KHDRBS2: variants seen among roughly 807,000 people sequenced by gnomAD.
The protein encoded by KHDRBS2 is KH domain-containing, RNA-binding, signal transduction-associated protein 2.
A neutral mutation model predicts 44.3 loss-of-function variants in KHDRBS2; 26 were observed. That is an observed-to-expected ratio of 0.59 (90% CI 0.43 to 0.81). The LOEUF (loss-of-function observed/expected upper bound fraction) is 0.81, where lower values mean the gene tolerates loss of function less well. Among genes scored for constraint, KHDRBS2 ranks in the 40% least tolerant of loss-of-function variants. The pLI, the probability that KHDRBS2 is intolerant of heterozygous loss-of-function variation, is 0.00. For synonymous variants in KHDRBS2, 194 were observed against 151.1 expected, an observed-to-expected ratio of 1.28 and a Z score of -2.08; for missense variants, 476 against 433.1, an observed-to-expected ratio of 1.10 and a Z score of -0.88.
chr6:61,953,779 A>G (rs1285392329), intron 4 of KHDRBS2, among the ~76,000 whole-genome samples: 1 of 152,170 alleles, frequency 6.6e-6, no homozygotes, highest in Admixed American at 6.6e-5. Context: ...CCTACTTAGA[A>G]GATACAAGTG....
intron 5 of KHDRBS2, 78 bp from the exon 6 acceptor site, chr6:61,894,911 C>A: frequency 1.1e-6 from 1 of 876,756 alleles, no homozygotes; most frequent in Non-Finnish European, 1.8e-6. Context: ...GTTTTCATCT[C>A]ACAGCCTCCA....
At chr6:61,952,825 G>A (rs1376877653) in intron 4 of KHDRBS2, among the ~76,000 whole-genome samples, 1 of 151,930 alleles carries the variant, frequency 6.6e-6, no homozygotes, top group African/African-American at 2.4e-5. Context: ...GGGTAAAACA[G>A]TTTAGTATTC....
chr6:61,694,531 T>A (rs1242441371), intron 8 of KHDRBS2, among the ~76,000 whole-genome samples: 1 of 152,182 alleles, frequency 6.6e-6, no homozygotes, highest in African/African-American at 2.4e-5. Context: ...GTACAAGGCT[T>A]GCGGCCTCAT....
chr6:61,782,724 T>TACACACACACAC (rs1783167962), intron 6 of KHDRBS2, among the ~76,000 whole-genome samples: 1 of 101,234 alleles, frequency 9.9e-6, no homozygotes, highest in Non-Finnish European at 1.9e-5. Flanking sequence ...TATATATATA[T>TACACACACACAC]ATATATATAT....
chr6:61,778,948 G>A (rs891917778), intron 6 of KHDRBS2, among the ~76,000 whole-genome samples: 1 of 151,976 alleles, frequency 6.6e-6, no homozygotes, highest in African/African-American at 2.4e-5. Flanking sequence ...TGCCTAACTG[G>A]GAAATGGGCA....
At chr6:61,584,304 A>C in the KHDRBS2 span, among the ~76,000 whole-genome samples, 1 of 151,868 alleles carries the variant, frequency 6.6e-6, no homozygotes, top group Non-Finnish European at 1.5e-5. Context: ...TCTTAAAAAG[A>C]AAGCGTTTAA....
chr6:62,276,140 G>C (rs1421908754), intron 1 of KHDRBS2, among the ~76,000 whole-genome samples: 3 of 152,152 alleles, frequency 2.0e-5, no homozygotes, highest in Non-Finnish European at 4.4e-5. Flanking sequence ...CTGGTTTTCT[G>C]TAAGAAGAGT....
intron 6 of KHDRBS2, among the ~76,000 whole-genome samples, chr6:61,866,888 G>T (rs1369178701): frequency 1.3e-5 from 2 of 152,148 alleles, no homozygotes; most frequent in African/African-American, 2.4e-5. Context: ...TTCCATCTGA[G>T]ATAATCTCAG....
intron 1 of KHDRBS2, among the ~76,000 whole-genome samples, chr6:62,194,021 A>G (rs1563038544): frequency 6.6e-6 from 1 of 152,128 alleles, no homozygotes; most frequent in African/African-American, 2.4e-5. Context: ...CCTATTCTGC[A>G]TGTTTTCTTT....
At chr6:61,852,110 T>C (rs1028139956) in intron 6 of KHDRBS2, among the ~76,000 whole-genome samples, 7 of 151,672 alleles carry the variant, frequency 4.6e-5, no homozygotes, top group African/African-American at 1.7e-4. Flanking sequence ...TAATCCCAGC[T>C]ACTCGGGAGG....
the KHDRBS2 span, among the ~76,000 whole-genome samples, chr6:61,663,396 A>G: frequency 6.8e-6 from 1 of 147,858 alleles, no homozygotes; most frequent in African/African-American, 2.5e-5. Context: ...AACTTAAAGT[A>G]TAATAATAAT....
At chr6:61,716,993 A>G (rs1771542946) in intron 7 of KHDRBS2, among the ~76,000 whole-genome samples, 1 of 152,086 alleles carries the variant, frequency 6.6e-6, no homozygotes, top group African/African-American at 2.4e-5. Context: ...TGGCATGTTG[A>G]CATGCCTTGA....
intron 3 of KHDRBS2, among the ~76,000 whole-genome samples, chr6:61,997,067 C>T (rs1215918345): frequency 1.3e-5 from 2 of 152,136 alleles, no homozygotes; most frequent in Non-Finnish European, 2.9e-5. Flanking sequence ...AGGCATGAGC[C>T]GCCATGCCCA....
At chr6:62,132,070 T>C (rs1343948913) in intron 2 of KHDRBS2, among the ~76,000 whole-genome samples, 1 of 152,192 alleles carries the variant, frequency 6.6e-6, no homozygotes, top group Admixed American at 6.5e-5. Context: ...TCTTACACTT[T>C]AATAGTAATT....
intron 1 of KHDRBS2, among the ~76,000 whole-genome samples, chr6:62,208,373 G>A (rs1198503710): frequency 6.6e-6 from 1 of 151,940 alleles, no homozygotes; most frequent in African/African-American, 2.4e-5. Context: ...GGGACTACAG[G>A]GCACACCATC....
intron 1 of KHDRBS2, among the ~76,000 whole-genome samples, chr6:62,270,004 T>A (rs904850540): frequency 1.3e-5 from 2 of 152,134 alleles, no homozygotes; most frequent in Non-Finnish European, 2.9e-5. Flanking sequence ...TCCACTCATA[T>A]GAAGTTGAAG....
intron 6 of KHDRBS2, among the ~76,000 whole-genome samples, chr6:61,847,450 G>A (rs953706517): frequency 2.6e-5 from 4 of 152,108 alleles, no homozygotes; most frequent in African/African-American, 7.2e-5. Flanking sequence ...GATATGAGAA[G>A]TTTGTTTTCA....
At chr6:62,057,364 G>C (rs1403910637) in intron 2 of KHDRBS2, among the ~76,000 whole-genome samples, 1 of 151,838 alleles carries the variant, frequency 6.6e-6, no homozygotes, top group Non-Finnish European at 1.5e-5. Flanking sequence ...GAAAAAAAAA[G>C]TAATCACTAA....
intron 3 of KHDRBS2, among the ~76,000 whole-genome samples, chr6:62,041,243 A>T (rs1786426461): frequency 6.6e-6 from 1 of 152,076 alleles, no homozygotes; most frequent in Non-Finnish European, 1.5e-5. Flanking sequence ...AGGCAGGAGA[A>T]TCACTTGAAC....
Sources: gnomAD v4.1 joint callset for allele counts (sites outside exome capture counted in the v4.1 genomes callset) on GRCh38, gnomAD v4.1.1 for gene constraint, MANE v1.5 for transcripts, NCBI Gene and HGNC (gene_info 2026-07-23, HGNC 2026-07-21) for gene names.